The following NFE2L2 variants were observed in gnomAD, a reference collection of about 807,000 sequenced individuals.
The protein encoded by NFE2L2 is NFE2 like bZIP transcription factor 2, also known as nuclear factor erythroid 2-related factor 2.
NFE2L2 carries 20 observed loss-of-function variants against 49.6 expected under a neutral mutation model. That is an observed-to-expected ratio of 0.40 (90% CI 0.28 to 0.59). The LOEUF (loss-of-function observed/expected upper bound fraction) is 0.59. Ranked by LOEUF, NFE2L2 falls within the 20% of genes least tolerant of loss-of-function variation. The pLI is 0.40. For missense variants in NFE2L2, 578 were observed against 714.2 expected (o/e 0.81, Z 2.17); for synonymous variants, 244 against 256.5 (o/e 0.95, Z 0.47).
chr2:177,263,934 G>A (rs1367240588), intron 1 of NFE2L2: 2 of 985,490 alleles, frequency 2.0e-6, no homozygotes, highest in Non-Finnish European at 2.4e-6. Flanking sequence ...AGAGATGGAT[G>A]ACTTCGCAAA....
At chr2:177,254,212 T>C (rs1315406600) in intron 1 of NFE2L2, among the ~76,000 whole-genome samples, 1 of 152,212 alleles carries the variant, frequency 6.6e-6, no homozygotes, top group Non-Finnish European at 1.5e-5. Flanking sequence ...ACAATTACCA[T>C]ATTAAATGTT....
At chr2:177,250,170 T>C (rs751367340) in intron 1 of NFE2L2, among the ~76,000 whole-genome samples, 87 of 152,252 alleles carry the variant, frequency 5.7e-4, no homozygotes, top group Middle Eastern at 3.2e-3. Flanking sequence ...TTTGATGTTA[T>C]TCAACAATGT....
At position 177,230,787 on chromosome 2, in the gene NFE2L2, A is replaced by C; in HGVS notation, c.1816T>G (p.Ter606GluextTer2). 2 of 1,576,826 alleles carry C rather than the reference A, an allele frequency of 1.3e-6. No homozygotes were observed. The highest frequency in any genetic ancestry group is 1.7e-6 in the Non-Finnish European group (2 of 1,167,806). ...KSKKPDVKKN[*>E] Reference sequence around the variant, plus strand: ...GAAAAGGTCAAATCCTCCTAAATCTAGTTTTTCTTAACATCTGGCTTCTTA... The same window carrying C: ...GAAAAGGTCAAATCCTCCTAAATCTCGTTTTTCTTAACATCTGGCTTCTTA... Residue 606 changes from the stop codon to glutamate (E), a stop_lost, in exon 5 of 5, where the codon TAG (stop) becomes GAG (glutamate). Coordinates refer to ENST00000397062, the MANE Select transcript of NFE2L2 (RefSeq NM_006164.5).
chr2:177,250,060 T>G (rs1262236626), intron 1 of NFE2L2, among the ~76,000 whole-genome samples: 1 of 152,194 alleles, frequency 6.6e-6, no homozygotes, highest in Non-Finnish European at 1.5e-5. Flanking sequence ...GAGACAGTAT[T>G]TGTACTGTTA....
chr2:177,233,289 C>G lies in NFE2L2; in HGVS notation c.363G>C (p.Gln121His), dbSNP rs200239262. 1.1e-4 allele frequency: 169 copies of G among 1,608,766 alleles called. No individual in the cohort carries two copies. Among genetic ancestry groups the G allele is most frequent in the Middle Eastern group, 1.7e-4 (1 of 6,054 alleles). Residue 121 changes from glutamine (Q) to histidine (H), a missense_variant, in exon 3 of 5, where the codon CAG (glutamine) becomes CAC (histidine). This residue lies in a region of NFE2L2 where 93 missense variants were observed against 153.9 expected (regional missense o/e 0.60). Transcript: ENST00000397062. ...CAAACGGGAATGTCTGCGCCAAAAG[C>G]TGCATGCAGTCATCAAAGTACAAAG... ...SDALYFDDCM[Q>H]LLAQTFPFVD...
rs2105453100 is a variant in NFE2L2, at chr2:177,231,594, C to T, written c.1009G>A (p.Ala337Thr). The T allele has an allele frequency of 3.7e-6, 6 of 1,614,208 alleles. No homozygotes were observed. The highest frequency in any genetic ancestry group is 4.2e-6 in the Non-Finnish European group (5 of 1,180,028). ...CCGGAGTCAGAATCATTGAATTCTG[C>T]TGTGCTTTCAGGGTGGTTTTGGTTG... Reference protein sequence around the residue: ...AFNQNHPESTAEFNDSDSGIS... With the variant: ...AFNQNHPESTTEFNDSDSGIS... Residue 337 changes from alanine (A) to threonine (T), a missense_variant, in exon 5 of 5, where the codon GCA becomes ACA. Physicochemically the swap from Ala to Thr is moderately conservative, Grantham distance 58 (BLOSUM62 0). This residue lies in a region of NFE2L2 where 368 missense variants were observed against 384.6 expected (regional missense o/e 0.96). Coordinates refer to ENST00000397062, the MANE Select transcript of NFE2L2 (RefSeq NM_006164.5).
chr2:177,234,156 A>C lies in NFE2L2; in HGVS notation c.161T>G (p.Leu54Arg), dbSNP rs1689660988. Reference sequence around the variant, plus strand: ...GAGTTGTTCTTGTCTTTCCTTTTCAAGTTTTTTCTGTTTTTCCAGCTCATA... The same window carrying C: ...GAGTTGTTCTTGTCTTTCCTTTTCACGTTTTTTCTGTTTTTCCAGCTCATA... ...KEYELEKQKK[L>R]EKERQEQLQK... The change falls in exon 2 of 5, where the codon CTT becomes CGT. Residue 54 changes from leucine to arginine, a missense_variant. By Grantham distance (102) the Leu-to-Arg change is moderately radical (BLOSUM62 -2). Transcript: ENST00000397062. The C allele has an allele frequency of 6.2e-7, 1 of 1,613,946 alleles. No individual in the cohort carries two copies. Among genetic ancestry groups the C allele is most frequent in the African/African-American group, 1.3e-5 (1 of 74,888 alleles).
At chr2:177,253,520 A>T (rs1233163142) in intron 1 of NFE2L2, among the ~76,000 whole-genome samples, 2 of 152,226 alleles carry the variant, frequency 1.3e-5, no homozygotes, top group Non-Finnish European at 2.9e-5. Context: ...TCATGCCCTG[A>T]AAGATTCCTA....
intron 1 of NFE2L2, among the ~76,000 whole-genome samples, chr2:177,243,358 C>T (rs1690006461): frequency 6.6e-6 from 1 of 152,174 alleles, no homozygotes; most frequent in Admixed American, 6.5e-5. Context: ...AGGAAGTCCC[C>T]CATGAGGGTG....
rs1238567635 is a variant in NFE2L2 at position 177,231,735 on chromosome 2, T to C, written c.868A>G (p.Ile290Val). The C allele has an allele frequency of 6.2e-7, 1 of 1,614,242 alleles. No homozygotes were observed. Residue 290 changes from isoleucine to valine, a missense_variant, in exon 5 of 5, where the codon ATA becomes GTA. Physicochemically the swap from Ile to Val is conservative, Grantham distance 29. Around this residue, in one of 3 missense-constraint regions of NFE2L2, gnomAD observed 368 missense variants for 384.6 expected, o/e 0.96. Coordinates refer to ENST00000397062, the MANE Select transcript of NFE2L2 (RefSeq NM_006164.5). ...CTGTTGCTGATACTGGGCTCAGCTATGAAAGCAGAATAAAATTCATCACCA... is the reference window on the plus strand; with the variant it reads ...CTGTTGCTGATACTGGGCTCAGCTACGAAAGCAGAATAAAATTCATCACCA... ...DFGDEFYSAF[I>V]AEPSISNSMP...
At position 177,261,170 on chromosome 2, in the gene NFE2L2, C is replaced by CAAAAAAAAAA. The variant is rs59040355; in HGVS notation, c.45+3352_45+3361dup. 3.1e-4 allele frequency among the ~76,000 whole-genome samples: 37 copies of CAAAAAAAAAA among 119,962 alleles called. 1 individual carries two copies. The highest frequency in any genetic ancestry group is 4.1e-3 in the Middle Eastern group (1 of 242). 78.7% of individuals were successfully genotyped at this position (119,962 alleles called of 152,430 possible). On this transcript the variant is annotated intron_variant, in intron 1 of 4. Coordinates refer to ENST00000397062, the MANE Select transcript of NFE2L2 (RefSeq NM_006164.5). ...TGGGCAACAGAACAAGACTTCATCT[C>CAAAAAAAAAA]AAAAAAAAAAAAAAACAAAAAACAA...
chr2:177,263,503 T>C (rs1303330894), intron 1 of NFE2L2: 2 of 985,376 alleles, frequency 2.0e-6, no homozygotes, highest in Admixed American at 6.1e-5. Flanking sequence ...AAAATAGCAA[T>C]TGCGCAACAG....
At chr2:177,240,869 T>C (rs185629218) in intron 1 of NFE2L2, among the ~76,000 whole-genome samples, 1 of 152,330 alleles carries the variant, frequency 6.6e-6, no homozygotes, top group Admixed American at 6.5e-5. Flanking sequence ...AAAGCAAAGA[T>C]AATACAATCC....
chr2:177,261,429 C>T (rs1690736077), intron 1 of NFE2L2, among the ~76,000 whole-genome samples: 1 of 152,182 alleles, frequency 6.6e-6, no homozygotes, highest in Non-Finnish European at 1.5e-5. Context: ...AACTTACCCA[C>T]TTTTTAAAGT....
At chr2:177,247,030 C>T (rs1017999991) in intron 1 of NFE2L2, among the ~76,000 whole-genome samples, 9 of 152,150 alleles carry the variant, frequency 5.9e-5, no homozygotes, top group Non-Finnish European at 1.3e-4. Context: ...ACAAATATTG[C>T]TATAATGAAT....
chr2:177,236,603 A>G (rs1226278252), intron 1 of NFE2L2, among the ~76,000 whole-genome samples: 1 of 152,232 alleles, frequency 6.6e-6, no homozygotes, highest in Non-Finnish European at 1.5e-5. Context: ...ATACTACCAG[A>G]AAGTGGCTGA....
chr2:177,245,002 C>CAA (rs56326022), intron 1 of NFE2L2, among the ~76,000 whole-genome samples: 11 of 49,038 alleles, frequency 2.2e-4, no homozygotes, highest in Middle Eastern at 0.011. Flanking sequence ...GACTCTGTCT[C>CAA]AAAAAAAAAA....
rs539036276 is a variant in NFE2L2 at position 177,258,177 on chromosome 2, ACAACT to A, written c.45+6350_45+6354del. 7.2e-3 allele frequency among the ~76,000 whole-genome samples: 1,102 copies of A among 152,358 alleles called. 4 individuals carry two copies. Among genetic ancestry groups the A allele is most frequent in the Admixed American group, 0.011 (171 of 15,304 alleles). On this transcript the variant is annotated intron_variant, in intron 1 of 4. Coordinates refer to ENST00000397062, the MANE Select transcript of NFE2L2 (RefSeq NM_006164.5). ...ACAAACAGAAACATAAAAAGTGGAAACAACTCAAATGATCATCAACTGGATAAATA... is the reference window on the plus strand; with the variant it reads ...ACAAACAGAAACATAAAAAGTGGAAACAAATGATCATCAACTGGATAAATA...
chr2:177,233,781 C>T lies in NFE2L2; in HGVS notation c.312+224G>A, dbSNP rs1172404300. On this transcript the variant is annotated intron_variant, in intron 2 of 4. Coordinates refer to ENST00000397062, the MANE Select transcript of NFE2L2 (RefSeq NM_006164.5). ...TACTTTACAAAACTCTTTGGTGTAACTTAAGTCTTCCCAATCCTCACAATA... is the reference window on the plus strand; with the variant it reads ...TACTTTACAAAACTCTTTGGTGTAATTTAAGTCTTCCCAATCCTCACAATA... 4 of 613,226 alleles carry T rather than the reference C, an allele frequency of 6.5e-6. No homozygotes were observed. The East Asian group carries it at 8.4e-5, about 13-fold the overall frequency. 38.0% of individuals were successfully genotyped at this position (613,226 alleles called of 1,614,324 possible). A position where few individuals can be genotyped will look rare whatever the true frequency, so the allele number is the denominator to read the frequency against.
Sources: gnomAD v4.1 joint callset for allele counts (sites outside exome capture counted in the v4.1 genomes callset) on GRCh38, gnomAD v4.1.1 for gene constraint, gnomAD v4.1.1 regional missense constraint, MANE v1.5 for transcripts, NCBI Gene and HGNC (gene_info 2026-07-23, HGNC 2026-07-21) for gene names.